The following SLC26A7 variants were observed in gnomAD, a reference collection of about 807,000 sequenced individuals.
SLC26A7 encodes anion exchange transporter.
A neutral mutation model predicts 82.5 loss-of-function variants in SLC26A7; 59 were observed. The observed-to-expected ratio is 0.72, with a 90% confidence interval of 0.58 to 0.89. SLC26A7 has a LOEUF of 0.89. SLC26A7 is among the 40% of genes least tolerant of loss of function. The pLI, the probability that SLC26A7 is intolerant of heterozygous loss-of-function variation, is 0.00. For missense variants in SLC26A7, 820 were observed against 793.0 expected (o/e 1.03, Z -0.41); for synonymous variants, 271 against 274.3 (o/e 0.99, Z 0.12).
intron 5 of SLC26A7, among the ~76,000 whole-genome samples, chr8:91,320,267 T>C (rs1812755010): frequency 1.3e-5 from 2 of 152,164 alleles, no homozygotes; most frequent in South Asian, 4.1e-4. Flanking sequence ...TTCACCATAT[T>C]GGCCAGGTGG....
chr8:91,316,197 T>C (rs954267435), intron 4 of SLC26A7, among the ~76,000 whole-genome samples: 2 of 152,216 alleles, frequency 1.3e-5, no homozygotes, highest in Non-Finnish European at 2.9e-5. Context: ...TTTTCATCAC[T>C]GTGCCCTCTT....
intron 4 of SLC26A7, among the ~76,000 whole-genome samples, chr8:91,317,750 G>A (rs1484383678): frequency 2.0e-5 from 3 of 151,886 alleles, no homozygotes; most frequent in South Asian, 2.1e-4. Flanking sequence ...TACAGATATA[G>A]CAAGGCAAAT....
Position 91,312,935 on chromosome 8 carries a change from G to A in SLC26A7, c.478-5281G>A, listed in dbSNP as rs539071114. On this transcript the variant is annotated intron_variant, in intron 4 of 18. Coordinates refer to ENST00000276609, the MANE Select transcript of SLC26A7 (RefSeq NM_052832.4). The stretch of plus-strand genomic sequence containing the variant: ...ATTTGCAAATGTTTTCTCCCATTTT[G>A]TGGGTTTCTGTTTTATTCTGTTGAT... Among the ~76,000 whole-genome samples, 6 of 152,162 alleles carry A rather than the reference G, an allele frequency of 3.9e-5. No individual in the cohort carries two copies. The East Asian group carries it at 1.2e-3, about 29-fold the overall frequency.
chr8:91,244,698 T>C (rs1276114102), upstream of SLC26A7, among the ~76,000 whole-genome samples: 1 of 151,876 alleles, frequency 6.6e-6, no homozygotes, highest in African/African-American at 2.4e-5. Context: ...ATTATTATTA[T>C]TTTGTAGAGA....
At chr8:91,240,058 C>T (rs1003758836) in intron 2 of SLC26A7, among the ~76,000 whole-genome samples, 1 of 152,172 alleles carries the variant, frequency 6.6e-6, no homozygotes, top group Non-Finnish European at 1.5e-5. Context: ...CCTTGGTACT[C>T]TACTTATCTA....
chr8:91,276,984 G>A (rs1288016979), intron 2 of SLC26A7, among the ~76,000 whole-genome samples: 1 of 152,246 alleles, frequency 6.6e-6, no homozygotes, highest in African/African-American at 2.4e-5. Flanking sequence ...ACACATACAT[G>A]CCTCTGGTTC....
intron 2 of SLC26A7, among the ~76,000 whole-genome samples, chr8:91,267,853 A>G (rs549168350): frequency 2.0e-5 from 3 of 151,588 alleles, no homozygotes; most frequent in Non-Finnish European, 3.0e-5. Flanking sequence ...TTTACTAGAG[A>G]TCTTTTTACT....
At chr8:91,368,571 A>G (rs1292827294) in intron 14 of SLC26A7, among the ~76,000 whole-genome samples, 4 of 151,820 alleles carry the variant, frequency 2.6e-5, no homozygotes, top group African/African-American at 9.7e-5. Flanking sequence ...GGCGCCCGCC[A>G]CCACGCCTGG....
At chr8:91,320,633 A>G (rs1812764814) in intron 5 of SLC26A7, among the ~76,000 whole-genome samples, 1 of 152,194 alleles carries the variant, frequency 6.6e-6, no homozygotes, top group Non-Finnish European at 1.5e-5. Context: ...AGAGAATCTC[A>G]TGATGGCTAC....
At chr8:91,287,087 T>C (rs1291737730) in intron 2 of SLC26A7, among the ~76,000 whole-genome samples, 4 of 152,172 alleles carry the variant, frequency 2.6e-5, no homozygotes, top group Admixed American at 6.5e-5. Flanking sequence ...TAAAGTAAAA[T>C]TTCAATATCA....
intron 2 of SLC26A7, among the ~76,000 whole-genome samples, chr8:91,233,814 A>G (rs1267523954): frequency 6.6e-6 from 1 of 152,162 alleles, no homozygotes; most frequent in Non-Finnish European, 1.5e-5. Context: ...AATTGCTACA[A>G]CAATCTTTTG....
At position 91,249,603 on chromosome 8, in the gene SLC26A7, T is replaced by G. The variant is rs1356547035; in HGVS notation, c.-49T>G. On this transcript the variant is annotated 5_prime_UTR_variant, in exon 2 of 19. It adds an upstream start codon to the 5' untranslated region. Coordinates refer to ENST00000276609, the MANE Select transcript of SLC26A7 (RefSeq NM_052832.4). ...TTGAAAGGAGGTGTTCTGCAATGAT[T>G]TTTTTTCTTGTTTAGAGAAGTTTAC... The G allele has an allele frequency of 2.1e-6, 3 of 1,438,682 alleles. No individual in the cohort carries two copies. The South Asian group carries it at 4.8e-5, about 23-fold the overall frequency. The allele number at this position is 1,438,682 out of a possible 1,614,324, so 89.1% of individuals were successfully genotyped here. A position where few individuals can be genotyped will look rare whatever the true frequency, so the allele number is the denominator to read the frequency against.
intron 2 of SLC26A7, among the ~76,000 whole-genome samples, chr8:91,243,312 A>G (rs1241214151): frequency 2.0e-5 from 3 of 152,204 alleles, no homozygotes; most frequent in Non-Finnish European, 4.4e-5. Flanking sequence ...TACAATATAT[A>G]AAACGATGGT....
At chr8:91,346,956 G>A (rs1025094535) in intron 9 of SLC26A7, among the ~76,000 whole-genome samples, 16 of 152,156 alleles carry the variant, frequency 1.1e-4, no homozygotes, top group African/African-American at 2.2e-4. Context: ...CTTTGTCAGC[G>A]TCCTTAGTGC....
At chr8:91,253,786 T>G (rs1810725706) in intron 2 of SLC26A7, among the ~76,000 whole-genome samples, 1 of 152,096 alleles carries the variant, frequency 6.6e-6, no homozygotes, top group South Asian at 2.1e-4. Context: ...GCTACAACTC[T>G]TTCCACACTA....
At chr8:91,384,744 C>T (rs1281791765) in intron 15 of SLC26A7, among the ~76,000 whole-genome samples, 1 of 150,438 alleles carries the variant, frequency 6.6e-6, no homozygotes, top group East Asian at 1.9e-4. Context: ...CTCAATACAT[C>T]TATATTAGCT....
intron 2 of SLC26A7, among the ~76,000 whole-genome samples, chr8:91,229,285 C>T (rs2130672201): frequency 6.6e-6 from 1 of 152,330 alleles, no homozygotes; most frequent in Middle Eastern, 3.4e-3. Context: ...CTTTCTCCCT[C>T]ATCACCTTCT....
At chr8:91,293,591 A>T (rs984714664) in intron 3 of SLC26A7, among the ~76,000 whole-genome samples, 1 of 152,118 alleles carries the variant, frequency 6.6e-6, no homozygotes, top group Admixed American at 6.6e-5. Flanking sequence ...TTGAAATATG[A>T]CTCACACGCA....
At chr8:91,374,254 A>G (rs1814445937) in intron 15 of SLC26A7, among the ~76,000 whole-genome samples, 1 of 150,038 alleles carries the variant, frequency 6.7e-6, no homozygotes, top group Non-Finnish European at 1.5e-5. Flanking sequence ...ATTTCTTTTC[A>G]TCTGCTAGCT....
Sources: gnomAD v4.1 joint callset for allele counts (sites outside exome capture counted in the v4.1 genomes callset) on GRCh38, gnomAD v4.1.1 for gene constraint, MANE v1.5 for transcripts, NCBI Gene and HGNC (gene_info 2026-07-23, HGNC 2026-07-21) for gene names.